ZYG11A: variants seen among roughly 807,000 people sequenced by gnomAD.
ZYG11A encodes the protein zyg-11 family member A, cell cycle regulator, also known as protein zyg-11 homolog A.
ZYG11A carries 62 observed loss-of-function variants against 77.2 expected under a neutral mutation model. That is an observed-to-expected ratio of 0.80 (90% confidence interval 0.65 to 0.99). The LOEUF (loss-of-function observed/expected upper bound fraction) is 0.99. ZYG11A is among the 50% of genes least tolerant of loss of function. The probability of loss-of-function intolerance (pLI) is 0.00; values close to 1 mark genes in which losing one functional copy is unlikely to be tolerated. For synonymous variants in ZYG11A, 315 were observed against 324.6 expected, an observed-to-expected ratio of 0.97 and a Z score of 0.32; for missense variants, 828 against 896.8, an observed-to-expected ratio of 0.92 and a Z score of 0.98.
chr1:52,871,005 T>C lies in ZYG11A; in HGVS notation c.1542+3228T>C, dbSNP rs188461194. On this transcript the variant is annotated intron_variant, in intron 8 of 13. Coordinates refer to ENST00000371528, the MANE Select transcript of ZYG11A (RefSeq NM_001004339.3). ...TGTTTATCTATTTTTAATTCATTTA[T>C]GGCATGGTTTATGATGCAATAATTT... 2.1e-3 allele frequency among the ~76,000 whole-genome samples: 322 copies of C among 152,358 alleles called. 1 individual carries two copies. The highest frequency in any genetic ancestry group is 3.6e-3 in the Non-Finnish European group (242 of 68,028).
intron 8 of ZYG11A, among the ~76,000 whole-genome samples, chr1:52,874,371 A>T (rs187924162): frequency 6.6e-6 from 1 of 151,868 alleles, no homozygotes; most frequent in East Asian, 1.9e-4. Context: ...CAGCCTCCTG[A>T]GTGGCTGGGG....
chr1:52,885,943 T>C, intron 12 of ZYG11A, 49 bp downstream of exon 12: 1 of 1,416,510 alleles, frequency 7.1e-7, no homozygotes, highest in East Asian at 2.5e-5. Flanking sequence ...CTTCTTTTTT[T>C]TATTTTTGAG....
At chr1:52,859,570 C>T (rs1339925400) in intron 3 of ZYG11A, among the ~76,000 whole-genome samples, 5 of 150,882 alleles carry the variant, frequency 3.3e-5, no homozygotes, top group Non-Finnish European at 7.4e-5. Context: ...CTCCTGACCT[C>T]GTGATCTGCC....
intron 8 of ZYG11A, among the ~76,000 whole-genome samples, chr1:52,868,858 AT>A (rs979282091): frequency 5.9e-4 from 89 of 150,820 alleles, no homozygotes; most frequent in Non-Finnish European, 9.9e-4. Flanking sequence ...TATTATATGA[AT>A]TTTTTTTTTC....
chr1:52,850,671 G>T (rs1645692489), intron 1 of ZYG11A, among the ~76,000 whole-genome samples: 1 of 152,094 alleles, frequency 6.6e-6, no homozygotes. Context: ...GGCTAGGATG[G>T]TCTGTATCTC....
rs923102363 is a variant in ZYG11A, at chr1:52,867,423, T to C, written c.1392-116T>C. On this transcript the variant is annotated intron_variant, in intron 6 of 13. Coordinates refer to ENST00000371528, the MANE Select transcript of ZYG11A (RefSeq NM_001004339.3). ...CTCTTGGTTTTCATAGCTGAGGATT[T>C]AAAAGTCCAAGACTGTTTTCATTAT... 1.7e-5 allele frequency: 12 copies of C among 712,246 alleles called. No individual in the cohort carries two copies. The African/African-American group carries it at 2.1e-4, about 13-fold the overall frequency. 44.1% of individuals were successfully genotyped at this position (712,246 alleles called of 1,614,324 possible). A position where few individuals can be genotyped will look rare whatever the true frequency, so the allele number is the denominator to read the frequency against.
In ZYG11A at chr1:52,888,428, GCTCACTGCAAC is replaced by G. The variant is rs1646484989; in HGVS notation, c.2104+1379_2104+1389del. 2.6e-5 allele frequency among the ~76,000 whole-genome samples: 4 copies of G among 152,222 alleles called. No individual in the cohort carries two copies. In the South Asian group the frequency reaches 8.3e-4, roughly 32 times the overall value. On this transcript the variant is annotated intron_variant, in intron 13 of 13. Transcript: ENST00000371528. ...GCGGGAGTGCAATGGTGCTATCTTG[GCTCACTGCAAC>G]CTCTGCCTCCTGGGTTCAAGCAATT...
In ZYG11A at chr1:52,880,106, G is replaced by A. The variant is rs899945356; in HGVS notation, c.1750-1365G>A. On this transcript the variant is annotated intron_variant, in intron 10 of 13. Coordinates refer to ENST00000371528, the MANE Select transcript of ZYG11A (RefSeq NM_001004339.3). ...TTTTTTTGAGAGATCCAGAATGTGA[G>A]GATTTACAAGAAAAATCTTGGGACT... Among the ~76,000 whole-genome samples, 31 of 140,524 alleles carry A rather than the reference G, an allele frequency of 2.2e-4. 1 individual carries two copies. The highest frequency in any genetic ancestry group is 2.0e-3 in the Admixed American group (27 of 13,756). The allele number at this position is 140,524 out of a possible 152,430, so 92.2% of individuals were successfully genotyped here.
chr1:52,843,416 T>G (rs1177416783), intron 1 of ZYG11A, among the ~76,000 whole-genome samples: 1 of 152,146 alleles, frequency 6.6e-6, no homozygotes, highest in African/African-American at 2.4e-5. Context: ...CCACCCGTGT[T>G]GTGGACGCAG....
chr1:52,851,679 C>T (rs476108), intron 1 of ZYG11A, among the ~76,000 whole-genome samples: 73,846 of 151,774 alleles, frequency 0.49, 19,190 homozygotes, highest in Non-Finnish European at 0.59. Context: ...GAATTATAGG[C>T]GTGAGCCACC....
intron 5 of ZYG11A, among the ~76,000 whole-genome samples, chr1:52,866,173 G>A (rs1241151419): frequency 1.3e-5 from 2 of 152,034 alleles, no homozygotes; most frequent in East Asian, 1.9e-4. Flanking sequence ...TCCTGACCTC[G>A]TGATCCGCCT....
chr1:52,854,158 T>C (rs887879642), intron 1 of ZYG11A, among the ~76,000 whole-genome samples: 1 of 152,302 alleles, frequency 6.6e-6, no homozygotes, highest in South Asian at 2.1e-4. Context: ...GCATAGGTTA[T>C]ATGCAAACCT....
chr1:52,869,726 TGTC>T (rs578005685), intron 8 of ZYG11A, among the ~76,000 whole-genome samples: 2,208 of 151,976 alleles, frequency 0.015, 83 homozygotes, highest in African/African-American at 0.052. Context: ...AAACCGCCAT[TGTC>T]ATCATGGCCC....
intron 3 of ZYG11A, among the ~76,000 whole-genome samples, chr1:52,858,596 C>T (rs1042983484): frequency 6.8e-6 from 1 of 147,630 alleles, no homozygotes; most frequent in Non-Finnish European, 1.5e-5. Context: ...TGAACCACTG[C>T]GCCCGGCCCG....
chr1:52,892,952 T>G lies in ZYG11A; in HGVS notation c.2275T>G (p.Phe759Val), dbSNP rs1646571263. 1.3e-6 allele frequency: 2 copies of G among 1,551,446 alleles called. No homozygotes were observed. The highest frequency in any genetic ancestry group is 2.7e-5 in the African/African-American group (2 of 73,170). Residue 759 changes from phenylalanine (F) to valine (V), a missense_variant, in exon 14 of 14, where the codon TTC becomes GTC. Physicochemically the swap from Phe to Val is conservative, Grantham distance 50. Transcript: ENST00000371528. ...GAGGCCCACTCTGTGTCAAATGCCC[T>G]TCTGAACCTAAGGAATTTCAGAGGT... ...YQRPTLCQMP[F>V]
Position 52,894,899 on chromosome 1 carries a change from G to A in ZYG11A, c.*1942G>A, listed in dbSNP as rs1339393793. ...TGTGTTAGGGGAACTAGTGTGTTAAGTCCAATTCTGTACAAGACATCCTTT... is the reference window on the plus strand; with the variant it reads ...TGTGTTAGGGGAACTAGTGTGTTAAATCCAATTCTGTACAAGACATCCTTT... On this transcript the variant is annotated 3_prime_UTR_variant, in exon 14 of 14. Transcript: ENST00000371528. 1 of 152,212 alleles carries A rather than the reference G, an allele frequency of 6.6e-6. No individual in the cohort carries two copies. The highest frequency in any genetic ancestry group is 1.5e-5 in the Non-Finnish European group (1 of 68,040). 9.4% of individuals were successfully genotyped at this position (152,212 alleles called of 1,614,324 possible).
chr1:52,843,174 C>T (rs994537683), intron 1 of ZYG11A, among the ~76,000 whole-genome samples: 24 of 150,960 alleles, frequency 1.6e-4, no homozygotes, highest in Non-Finnish European at 3.2e-4. Context: ...CTGGGCGCCG[C>T]GGAGCGGGGG....
chr1:52,854,436 C>T, intron 1 of ZYG11A, 29 bp from the exon 2 acceptor site: 1 of 1,516,400 alleles, frequency 6.6e-7, no homozygotes, highest in East Asian at 2.5e-5. Context: ...TGTATTCTAA[C>T]AAAGTTTGTT....
chr1:52,875,165 C>G (rs895107323), intron 8 of ZYG11A, among the ~76,000 whole-genome samples: 1 of 152,134 alleles, frequency 6.6e-6, no homozygotes, highest in African/African-American at 2.4e-5. Context: ...ATATCAAATA[C>G]TACTGAGTGG....
Sources: allele counts gnomAD v4.1 joint callset (sites outside exome capture counted in the v4.1 genomes callset), GRCh38; gene constraint gnomAD v4.1.1; transcripts MANE v1.5; gene names NCBI Gene and HGNC (gene_info 2026-07-23, HGNC 2026-07-21).